The following CLYBL variants were observed in gnomAD, a reference collection of about 807,000 sequenced individuals.
CLYBL encodes the protein citramalyl-CoA lyase.
Under a neutral mutation model 38.9 loss-of-function variants are expected in CLYBL, and 31 were observed. The observed-to-expected ratio is 0.80, with a 90% CI of 0.60 to 1.08. The LOEUF (loss-of-function observed/expected upper bound fraction) is 1.08, where lower values mean the gene tolerates loss of function less well. Ranked by LOEUF, CLYBL falls within the 50% of genes least tolerant of loss-of-function variation. CLYBL has a pLI of 0.00. For synonymous variants in CLYBL, 171 were observed against 158.6 expected (o/e 1.08, Z -0.59); for missense variants, 434 against 411.6 (o/e 1.05, Z -0.47).
At chr13:99,783,513 G>C (rs183367369) in intron 2 of CLYBL, among the ~76,000 whole-genome samples, 16 of 151,402 alleles carry the variant, frequency 1.1e-4, no homozygotes, top group African/African-American at 3.9e-4. Flanking sequence ...CCGGAGTGCA[G>C]TGGTGCGATC....
At chr13:99,800,029 C>T (rs1029329872) in intron 2 of CLYBL, among the ~76,000 whole-genome samples, 1 of 152,228 alleles carries the variant, frequency 6.6e-6, no homozygotes, top group African/African-American at 2.4e-5. Flanking sequence ...GGCTTTGGCT[C>T]CTGCCAAAAG....
At chr13:99,695,256 A>G (rs2047961616) in intron 1 of CLYBL, among the ~76,000 whole-genome samples, 1 of 152,110 alleles carries the variant, frequency 6.6e-6, no homozygotes, top group Non-Finnish European at 1.5e-5. Context: ...GTAGGAAAAG[A>G]TTTCTCCATA....
intron 2 of CLYBL, among the ~76,000 whole-genome samples, chr13:99,833,030 A>ATATT (rs1555314878): frequency 2.8e-5 from 1 of 35,870 alleles, no homozygotes; most frequent in Non-Finnish European, 4.4e-5. Context: ...ATATATATAT[A>ATATT]TTTTTTTTTT....
chr13:99,668,871 A>G (rs186935536), intron 1 of CLYBL, among the ~76,000 whole-genome samples: 1 of 152,216 alleles, frequency 6.6e-6, no homozygotes, highest in Admixed American at 6.5e-5. Flanking sequence ...TCAAGGTGTT[A>G]ATCTAGGTGA....
intron 1 of CLYBL, among the ~76,000 whole-genome samples, chr13:99,634,807 G>A (rs1370375880): frequency 6.6e-6 from 1 of 152,132 alleles, no homozygotes; most frequent in Non-Finnish European, 1.5e-5. Flanking sequence ...GTCAGGATTG[G>A]GTTTCTTTCC....
At chr13:99,797,667 A>G in intron 2 of CLYBL, among the ~76,000 whole-genome samples, 1 of 151,520 alleles carries the variant, frequency 6.6e-6, no homozygotes, top group East Asian at 1.9e-4. Flanking sequence ...ATGTATCACC[A>G]AGCTCATTCT....
At chr13:99,660,041 G>A (rs2047386786) in intron 1 of CLYBL, among the ~76,000 whole-genome samples, 1 of 152,142 alleles carries the variant, frequency 6.6e-6, no homozygotes, top group South Asian at 2.1e-4. Context: ...TTATTTTCAG[G>A]TGTTTGAGCT....
intron 1 of CLYBL, among the ~76,000 whole-genome samples, chr13:99,749,052 C>T (rs2048907855): frequency 6.6e-6 from 1 of 151,940 alleles, no homozygotes; most frequent in African/African-American, 2.4e-5. Flanking sequence ...GTGTCTGGTG[C>T]ACCTGTAGTC....
intron 1 of CLYBL, among the ~76,000 whole-genome samples, chr13:99,707,324 T>A (rs976684126): frequency 1.3e-5 from 2 of 152,010 alleles, no homozygotes; most frequent in Admixed American, 6.6e-5. Context: ...GACTGGAGTG[T>A]AGTGGTGCGA....
At chr13:99,737,827 T>A (rs1432484152) in intron 1 of CLYBL, among the ~76,000 whole-genome samples, 1 of 152,206 alleles carries the variant, frequency 6.6e-6, no homozygotes, top group Non-Finnish European at 1.5e-5. Flanking sequence ...TGCACCACAG[T>A]GAAGTCCTCC....
chr13:99,620,946 T>C (rs1353276369), intron 1 of CLYBL, among the ~76,000 whole-genome samples: 4 of 152,268 alleles, frequency 2.6e-5, no homozygotes, highest in Middle Eastern at 3.4e-3. Flanking sequence ...AATATGGGTA[T>C]AGGAGAAGCT....
chr13:99,870,851 G>A (rs1172353776), intron 6 of CLYBL, 87 bp from the exon 7 acceptor site: 8 of 1,358,996 alleles, frequency 5.9e-6, no homozygotes, highest in Non-Finnish European at 7.1e-6. Flanking sequence ...AGTCTATGAG[G>A]CCTTCAGGAA....
intron 1 of CLYBL, among the ~76,000 whole-genome samples, chr13:99,699,554 A>G (rs1329469069): frequency 7.5e-5 from 11 of 147,014 alleles, no homozygotes; most frequent in Non-Finnish European, 1.0e-4. Context: ...TTAGGTGGGC[A>G]TGGTGGCACG....
At chr13:99,906,807 C>T (rs999249288) in intron 9 of CLYBL, among the ~76,000 whole-genome samples, 1 of 152,330 alleles carries the variant, frequency 6.6e-6, no homozygotes, top group African/African-American at 2.4e-5. Context: ...CTAACAAATG[C>T]ATTAATCCTT....
At chr13:99,729,469 C>T (rs1263078895) in intron 1 of CLYBL, among the ~76,000 whole-genome samples, 1 of 152,086 alleles carries the variant, frequency 6.6e-6, no homozygotes, top group Non-Finnish European at 1.5e-5. Context: ...TTCATCTGGT[C>T]AGTAAGATGT....
At chr13:99,660,059 G>C (rs1255141173) in intron 1 of CLYBL, among the ~76,000 whole-genome samples, 1 of 152,146 alleles carries the variant, frequency 6.6e-6, no homozygotes, top group Non-Finnish European at 1.5e-5. Flanking sequence ...GCTTCTTAGA[G>C]AAAAAGAAAC....
intron 1 of CLYBL, among the ~76,000 whole-genome samples, chr13:99,717,436 G>GAAAAAAAAAAAA (rs1172721313): frequency 6.6e-5 from 6 of 91,108 alleles, no homozygotes; most frequent in East Asian, 3.9e-4. Context: ...AAAAAAATTA[G>GAAAAAAAAAAAA]AAAAAAAAAA....
At chr13:99,752,597 C>G (rs2139641575) in intron 1 of CLYBL, among the ~76,000 whole-genome samples, 1 of 152,222 alleles carries the variant, frequency 6.6e-6, no homozygotes, top group East Asian at 1.9e-4. Flanking sequence ...ACCAGACTGT[C>G]TACCCTGCCC....
At chr13:99,889,381 A>AACTAGACGATTGCCGG (rs2152130727) in intron 7 of CLYBL, among the ~76,000 whole-genome samples, 1 of 152,322 alleles carries the variant, frequency 6.6e-6, no homozygotes, top group East Asian at 1.9e-4. Context: ...CTTGTAAAAC[A>AACTAGACGATTGCCGG]GCATGTGACC....
Sources: gnomAD v4.1 joint callset for allele counts (sites outside exome capture counted in the v4.1 genomes callset) on GRCh38, gnomAD v4.1.1 for gene constraint, MANE v1.5 for transcripts, NCBI Gene and HGNC (gene_info 2026-07-23, HGNC 2026-07-21) for gene names.